Variants in TENM1 observed in about 807,000 individuals in gnomAD.
TENM1 encodes teneurin-1.
In TENM1, 35 loss-of-function variants were observed where a neutral mutation model predicts 174.8. That is an observed-to-expected ratio of 0.20 (90% CI 0.15 to 0.27). The LOEUF is 0.27. TENM1 is among the 10% of genes least tolerant of loss of function. TENM1 has a pLI of 1.00. For missense variants in TENM1, 1,633 were observed against 2,130.1 expected (o/e 0.77, Z 4.59); for synonymous variants, 781 against 798.7 (o/e 0.98, Z 0.37).
chrX:124,616,962 A>T (rs2050412729), intron 11 of TENM1, among the ~76,000 whole-genome samples: 1 of 111,987 alleles, frequency 8.9e-6, no homozygotes, highest in African/African-American at 3.2e-5. Flanking sequence ...TCTTGGTGCT[A>T]AGGAAAGAAA....
intron 1 of TENM1, among the ~76,000 whole-genome samples, chrX:124,944,507 T>G (rs1319376535): frequency 1.8e-5 from 2 of 111,530 alleles, no homozygotes; most frequent in Admixed American, 9.6e-5. Flanking sequence ...AGCTTTTGTT[T>G]GAGGACAAAC....
chrX:125,186,693 A>G, the TENM1 span, among the ~76,000 whole-genome samples: 137 of 110,680 alleles, frequency 1.2e-3, no homozygotes, highest in African/African-American at 4.2e-3. Flanking sequence ...AGTCTTCACC[A>G]GAAGTGGATT....
At chrX:124,852,485 A>G (rs2056739082) in intron 3 of TENM1, among the ~76,000 whole-genome samples, 1 of 111,140 alleles carries the variant, frequency 9.0e-6, no homozygotes, top group Admixed American at 9.6e-5. Context: ...GAGAAGAAGA[A>G]GCCTAGAATA....
At chrX:124,635,165 G>T (rs985950107) in intron 11 of TENM1, among the ~76,000 whole-genome samples, 3 of 111,281 alleles carry the variant, frequency 2.7e-5, no homozygotes, top group African/African-American at 9.8e-5. Context: ...TCTCAGTGTT[G>T]GAAAAGACCT....
At chrX:124,434,335 T>C (rs2060811910) in intron 23 of TENM1, among the ~76,000 whole-genome samples, 1 of 111,447 alleles carries the variant, frequency 9.0e-6, no homozygotes, top group South Asian at 3.8e-4. Context: ...TTGAAGCTCA[T>C]TAAGAAAAAA....
chrX:125,155,667 G>A, the TENM1 span, among the ~76,000 whole-genome samples: 1 of 18,248 alleles, frequency 5.5e-5, no homozygotes, highest in Non-Finnish European at 9.6e-5. Context: ...CGCAGCACCG[G>A]TGGGCCGGCA....
chrX:125,062,452 T>C, the TENM1 span, among the ~76,000 whole-genome samples: 1 of 111,466 alleles, frequency 9.0e-6, no homozygotes, highest in Non-Finnish European at 1.9e-5. Flanking sequence ...TCATAAAAGA[T>C]GTGGAGGCCA....
chrX:124,855,720 G>A (rs899994939), intron 3 of TENM1, among the ~76,000 whole-genome samples: 4 of 111,373 alleles, frequency 3.6e-5, no homozygotes, highest in African/African-American at 9.8e-5. Flanking sequence ...GTTTCTGCCC[G>A]TCTCTATAAT....
chrX:124,384,799 T>G (rs745874724), exon 30 of TENM1: 27 of 1,208,825 alleles, frequency 2.2e-5, no homozygotes, highest in Non-Finnish European at 3.0e-5. Context: ...AGTCGAACCG[T>G]GCATTCACAA....
At chrX:124,953,995 G>A (rs187921805) in intron 1 of TENM1, among the ~76,000 whole-genome samples, 1 of 111,846 alleles carries the variant, frequency 8.9e-6, no homozygotes, top group East Asian at 2.8e-4. Flanking sequence ...CTCAGAAGCA[G>A]CAAGACCAAA....
At chrX:124,530,073 A>G in intron 15 of TENM1, 90 bp from the exon 19 acceptor site, 1 of 1,006,953 alleles carries the variant, frequency 9.9e-7, no homozygotes, top group Non-Finnish European at 1.3e-6. Flanking sequence ...ACAGTCAAGT[A>G]TAACAAAGAA....
chrX:125,049,799 T>G, the TENM1 span, among the ~76,000 whole-genome samples: 1 of 111,316 alleles, frequency 9.0e-6, no homozygotes, highest in Non-Finnish European at 1.9e-5. Flanking sequence ...CCTCTTCTCA[T>G]GCTCTTATTG....
rs772889506 is a variant in TENM1, at chrX:124,523,071, C to A, written c.3033+293G>T. Among the ~76,000 whole-genome samples, 18 of 112,180 alleles carry A rather than the reference C, an allele frequency of 1.6e-4. No individual in the cohort carries two copies. In the South Asian group the frequency reaches 6.6e-3, roughly 41 times the overall value. On this transcript the variant is annotated intron_variant, in intron 17 of 31. Transcript: ENST00000422452. ...GGATTATACTGTTATTACTAATAAG[C>A]CAGCTAGCTTTGTTCTTAGAGCACA...
intron 22 of TENM1, among the ~76,000 whole-genome samples, chrX:124,471,433 A>C (rs866152894): frequency 5.1e-5 from 3 of 58,876 alleles, no homozygotes; most frequent in African/African-American, 2.2e-4. Flanking sequence ...ATTATATATT[A>C]TATAATATAT....
chrX:124,670,517 T>C (rs2148432872), intron 6 of TENM1, among the ~76,000 whole-genome samples: 1 of 111,555 alleles, frequency 9.0e-6, no homozygotes, highest in South Asian at 3.8e-4. Context: ...CTGGGAAAGG[T>C]CACTCCAGGC....
chrX:125,092,797 A>C, the TENM1 span, among the ~76,000 whole-genome samples: 5 of 112,557 alleles, frequency 4.4e-5, no homozygotes, highest in Admixed American at 9.4e-5. Flanking sequence ...AGTGTTGTTT[A>C]CTAAAAATAT....
At chrX:125,102,971 T>A in the TENM1 span, among the ~76,000 whole-genome samples, 1 of 112,036 alleles carries the variant, frequency 8.9e-6, no homozygotes, top group Non-Finnish European at 1.9e-5. Flanking sequence ...TGAGGAAAAT[T>A]CTGCTGAAGT....
intron 4 of TENM1, among the ~76,000 whole-genome samples, chrX:124,715,348 A>C (rs2053152787): frequency 9.0e-6 from 1 of 110,892 alleles, no homozygotes. Flanking sequence ...ACTTGTGACT[A>C]TACATTTAAA....
At chrX:124,489,543 C>T (rs1481762968) in intron 20 of TENM1, among the ~76,000 whole-genome samples, 2 of 111,453 alleles carry the variant, frequency 1.8e-5, no homozygotes, top group Non-Finnish European at 1.9e-5. Flanking sequence ...TCCCCTCCCT[C>T]AGCTCCAGGC....
Sources: gnomAD v4.1 joint callset for allele counts (sites outside exome capture counted in the v4.1 genomes callset) on GRCh38, gnomAD v4.1.1 for gene constraint, MANE v1.5 for transcripts, NCBI Gene and HGNC (gene_info 2026-07-23, HGNC 2026-07-21) for gene names.